Variants in DERA observed in about 807,000 individuals in gnomAD.
DERA encodes the protein deoxyribose-phosphate aldolase, also known as 2-deoxy-D-ribose 5-phosphate aldolase.
In DERA, 15 loss-of-function variants were observed where a neutral mutation model predicts 41.1. The ratio of observed to expected loss-of-function variants is 0.37; its 90% CI spans 0.24 to 0.56. DERA has a LOEUF of 0.56. Ranked by LOEUF, DERA falls within the 20% of genes least tolerant of loss-of-function variation. DERA has a pLI of 0.81. For synonymous variants in DERA, 139 were observed against 137.4 expected (o/e 1.01, Z -0.08); for missense variants, 396 against 403.4 (o/e 0.98, Z 0.16).
chr12:15,950,726 A>G (rs1335259662), intron 1 of DERA, among the ~76,000 whole-genome samples: 2 of 152,196 alleles, frequency 1.3e-5, no homozygotes, highest in Non-Finnish European at 1.5e-5. Flanking sequence ...GCTCATGCCC[A>G]TCCTACATTC....
At chr12:16,024,936 A>G (rs1949043401) in intron 6 of DERA, among the ~76,000 whole-genome samples, 1 of 152,188 alleles carries the variant, frequency 6.6e-6, no homozygotes, top group South Asian at 2.1e-4. Context: ...AAGACACAGG[A>G]GAAAAGAATT....
rs1565608357 is a variant in DERA at position 15,994,346 on chromosome 12, C to A, written c.637+11910C>A. On this transcript the variant is annotated intron_variant, in intron 6 of 8. Coordinates refer to ENST00000428559, the MANE Select transcript of DERA (RefSeq NM_015954.4). This position sits in a 1 kb window ranked among gnomAD's most constrained non-coding sequence, Gnocchi z 4.8. ...CTGGCACATGACATAGAGGCTAGACCTGTGTTCATGTGTCTGAGATTCTGT... is the reference window on the plus strand; with the variant it reads ...CTGGCACATGACATAGAGGCTAGACATGTGTTCATGTGTCTGAGATTCTGT... Among the ~76,000 whole-genome samples the A allele has an allele frequency of 6.6e-6, 1 of 152,216 alleles. No homozygotes were observed. Among genetic ancestry groups the A allele is most frequent in the East Asian group, 1.9e-4 (1 of 5,206 alleles).
At chr12:16,025,896 G>A (rs1949050084) in intron 6 of DERA, among the ~76,000 whole-genome samples, 1 of 152,076 alleles carries the variant, frequency 6.6e-6, no homozygotes, top group Non-Finnish European at 1.5e-5. Context: ...ATAGCAGAAA[G>A]TTAGCTGAAA....
rs558704088 is a variant in DERA, at chr12:15,955,998, G to A, written c.32-938G>A. Among the ~76,000 whole-genome samples, 4 of 152,298 alleles carry A rather than the reference G, an allele frequency of 2.6e-5. No individual in the cohort carries two copies. In the South Asian group the frequency reaches 8.3e-4, roughly 32 times the overall value. ...AATGTTCATGTCCGATTTACCGTGA[G>A]GCCACCTATGTTTATAGGATATTGG... On this transcript the variant is annotated intron_variant, in intron 1 of 8. Transcript: ENST00000428559.
rs1436479134 is a variant in DERA at position 15,990,667 on chromosome 12, C to A, written c.637+8231C>A. 6.6e-6 allele frequency among the ~76,000 whole-genome samples: 1 copy of A among 152,076 alleles called. No individual in the cohort carries two copies. The highest frequency in any genetic ancestry group is 1.9e-4 in the East Asian group (1 of 5,186). ...CCTTGATGTGTCTATGTGTTGTCAT[C>A]ATTTAGCTCCCACTTATAAGTGAGA... On this transcript the variant is annotated intron_variant, in intron 6 of 8. Coordinates refer to ENST00000428559, the MANE Select transcript of DERA (RefSeq NM_015954.4). The surrounding 1 kb of genome is among the most constrained non-coding windows in gnomAD (Gnocchi z 4.3).
Position 16,020,136 on chromosome 12 carries a change from G to A in DERA, c.638-12406G>A, listed in dbSNP as rs1173108765. Among the ~76,000 whole-genome samples the A allele has an allele frequency of 6.6e-6, 1 of 152,182 alleles. No individual in the cohort carries two copies. The highest frequency in any genetic ancestry group is 1.5e-5 in the Non-Finnish European group (1 of 68,040). ...CTTACTGTACAGTCTGCAGAATTGT[G>A]AGCCAATTAAACCTCTTTTCTTTAT... On this transcript the variant is annotated intron_variant, in intron 6 of 8. Transcript: ENST00000428559. The surrounding 1 kb of genome is among the most constrained non-coding windows in gnomAD (Gnocchi z 5.5).
Position 16,026,937 on chromosome 12 carries a change from A to G in DERA, c.638-5605A>G, listed in dbSNP as rs1276033226. Among the ~76,000 whole-genome samples the G allele has an allele frequency of 1.3e-5, 2 of 152,304 alleles. No homozygotes were observed. The highest frequency in any genetic ancestry group is 1.9e-4 in the East Asian group (1 of 5,190). On this transcript the variant is annotated intron_variant, in intron 6 of 8. Coordinates refer to ENST00000428559, the MANE Select transcript of DERA (RefSeq NM_015954.4). The surrounding 1 kb of genome is among the most constrained non-coding windows in gnomAD (Gnocchi z 4.4). ...AAATATTAGCAAAATGAGTCCAACA[A>G]TGTATAAAACTAATTATATGCCACA...
At chr12:16,030,534 G>C (rs1409304890) in intron 6 of DERA, among the ~76,000 whole-genome samples, 1 of 152,016 alleles carries the variant, frequency 6.6e-6, no homozygotes, top group Admixed American at 6.6e-5. Context: ...CTAGCTCAAG[G>C]CCTTTACACT....
chr12:15,912,229 A>T (rs1948169740), intron 1 of DERA, among the ~76,000 whole-genome samples: 2 of 152,000 alleles, frequency 1.3e-5, no homozygotes, highest in Admixed American at 1.3e-4. Flanking sequence ...CTTAACGAGC[A>T]TGCTGCCTTC....
intron 1 of DERA, among the ~76,000 whole-genome samples, chr12:15,939,632 A>G (rs1948395337): frequency 6.6e-6 from 1 of 152,114 alleles, no homozygotes; most frequent in African/African-American, 2.4e-5. Context: ...TATTTTTTTA[A>G]ATAAAAGATT....
chr12:15,964,167 A>C (rs1203859988), intron 5 of DERA, among the ~76,000 whole-genome samples: 1 of 152,086 alleles, frequency 6.6e-6, no homozygotes, highest in Non-Finnish European at 1.5e-5. Flanking sequence ...AGCACCTTAC[A>C]CTCATCTCCA....
At chr12:15,975,282 T>C (rs1208671527) in intron 5 of DERA, among the ~76,000 whole-genome samples, 3 of 90,638 alleles carry the variant, frequency 3.3e-5, no homozygotes, top group Non-Finnish European at 2.4e-5. Flanking sequence ...GGAGATGGAA[T>C]CCTAGGGAAT....
In DERA at chr12:16,036,656, ATGAT is replaced by A. The variant is rs745985130; in HGVS notation, c.901-31_901-28del. Reference sequence around the variant, plus strand: ...ATTAACTGATGTGTATAATTATAGAATGATTGTTAATTAAACTCTGCTTTTCCTC... The same window carrying A: ...ATTAACTGATGTGTATAATTATAGAATGTTAATTAAACTCTGCTTTTCCTC... On this transcript the variant is annotated intron_variant, in intron 8 of 8. Coordinates refer to ENST00000428559, the MANE Select transcript of DERA (RefSeq NM_015954.4). The surrounding 1 kb of genome is among the most constrained non-coding windows in gnomAD (Gnocchi z 4.9). The A allele has an allele frequency of 8.8e-6, 13 of 1,474,332 alleles. No individual in the cohort carries two copies. The Admixed American group carries it at 1.4e-4, about 16-fold the overall frequency. The allele number at this position is 1,474,332 out of a possible 1,614,324, so 91.3% of individuals were successfully genotyped here.
At position 15,998,404 on chromosome 12, in the gene DERA, G is replaced by A. The variant is rs1379305893; in HGVS notation, c.637+15968G>A. On this transcript the variant is annotated intron_variant, in intron 6 of 8. Coordinates refer to ENST00000428559, the MANE Select transcript of DERA (RefSeq NM_015954.4). This position sits in a 1 kb window ranked among gnomAD's most constrained non-coding sequence, Gnocchi z 4.8. ...CGGATCTTGGCTCACGGCAACCTCCGCCTTCCGGGTTCAAGCAGTTCTCCC... is the reference window on the plus strand; with the variant it reads ...CGGATCTTGGCTCACGGCAACCTCCACCTTCCGGGTTCAAGCAGTTCTCCC... 2.6e-5 allele frequency among the ~76,000 whole-genome samples: 4 copies of A among 152,022 alleles called. No homozygotes were observed. The highest frequency in any genetic ancestry group is 7.2e-5 in the African/African-American group (3 of 41,384).
At chr12:15,949,136 C>T (rs1232665072) in intron 1 of DERA, among the ~76,000 whole-genome samples, 1 of 152,198 alleles carries the variant, frequency 6.6e-6, no homozygotes, top group Non-Finnish European at 1.5e-5. Flanking sequence ...AGTTAGGCTA[C>T]TCAGGGGTCA....
chr12:15,956,189 T>C (rs1166331308), intron 1 of DERA, among the ~76,000 whole-genome samples: 1 of 152,222 alleles, frequency 6.6e-6, no homozygotes, highest in African/African-American at 2.4e-5. Flanking sequence ...ATGTTAGCTC[T>C]GTCTGGGGAG....
rs1426185037 is a variant in DERA at position 15,983,266 on chromosome 12, A to G, written c.637+830A>G. Among the ~76,000 whole-genome samples, 1 of 152,118 alleles carries G rather than the reference A, an allele frequency of 6.6e-6. No individual in the cohort carries two copies. Among genetic ancestry groups the G allele is most frequent in the African/African-American group, 2.4e-5 (1 of 41,430 alleles). ...AGTGGTTTCCCTTCATCTTTATGGT[A>G]AAGTGTACATTCCTTGATTCTTATT... On this transcript the variant is annotated intron_variant, in intron 6 of 8. Transcript: ENST00000428559. This position sits in a 1 kb window ranked among gnomAD's most constrained non-coding sequence, Gnocchi z 6.2.
rs899463874 is a variant in DERA, at chr12:15,993,383, C to T, written c.637+10947C>T. Among the ~76,000 whole-genome samples the T allele has an allele frequency of 1.3e-5, 2 of 151,628 alleles. No individual in the cohort carries two copies. The highest frequency in any genetic ancestry group is 4.8e-5 in the African/African-American group (2 of 41,246). ...CGATTTATTTTTCTAAAGATTGTCA[C>T]AAGTTACATGGAATCCCTCCTCTTA... On this transcript the variant is annotated intron_variant, in intron 6 of 8. Coordinates refer to ENST00000428559, the MANE Select transcript of DERA (RefSeq NM_015954.4). This position sits in a 1 kb window ranked among gnomAD's most constrained non-coding sequence, Gnocchi z 4.4.
chr12:16,031,716 C>T (rs1949093650), intron 6 of DERA, among the ~76,000 whole-genome samples: 1 of 152,178 alleles, frequency 6.6e-6, no homozygotes, highest in African/African-American at 2.4e-5. Context: ...TGGTTAAAAT[C>T]CTACCTTTCC....
Sources: allele counts gnomAD v4.1 joint callset (sites outside exome capture counted in the v4.1 genomes callset), GRCh38; gene constraint gnomAD v4.1.1; non-coding constraint Gnocchi (gnomAD v3.1); transcripts MANE v1.5; gene names NCBI Gene and HGNC (gene_info 2026-07-23, HGNC 2026-07-21).